Variants in PRKG1 observed in about 807,000 individuals in gnomAD.
The protein encoded by PRKG1 is protein kinase cGMP-dependent 1, also known as cGMP-dependent protein kinase 1.
PRKG1 carries 35 observed loss-of-function variants against 88.1 expected under a neutral mutation model. That is an observed-to-expected ratio of 0.40 (90% CI 0.30 to 0.53). The LOEUF (loss-of-function observed/expected upper bound fraction) is 0.53, where lower values mean the gene tolerates loss of function less well. Ranked by LOEUF, PRKG1 falls within the 20% of genes least tolerant of loss-of-function variation. The probability of loss-of-function intolerance (pLI) is 0.59; values close to 1 mark genes in which losing one functional copy is unlikely to be tolerated. For synonymous variants in PRKG1, 303 were observed against 292.5 expected (o/e 1.04, Z -0.37); for missense variants, 540 against 839.8 (o/e 0.64, Z 4.41).
At chr10:51,087,191 T>C (rs1844275039) in intron 1 of PRKG1, among the ~76,000 whole-genome samples, 1 of 152,174 alleles carries the variant, frequency 6.6e-6, no homozygotes, top group Admixed American at 6.5e-5. Context: ...CTTCATTTTT[T>C]TTCTGGACCT....
intron 3 of PRKG1, among the ~76,000 whole-genome samples, chr10:51,641,847 G>A (rs1439868938): frequency 1.3e-5 from 2 of 151,710 alleles, no homozygotes; most frequent in Non-Finnish European, 2.9e-5. Context: ...TTGGAACCCC[G>A]TTCTCTTATT....
chr10:51,198,022 T>C (rs1837815539), intron 2 of PRKG1, among the ~76,000 whole-genome samples: 1 of 151,984 alleles, frequency 6.6e-6, no homozygotes, highest in African/African-American at 2.4e-5. Context: ...GAGCTTTTGG[T>C]ACCCTTACCT....
At chr10:51,470,737 T>A (rs2132821387) in intron 3 of PRKG1, among the ~76,000 whole-genome samples, 1 of 152,046 alleles carries the variant, frequency 6.6e-6, no homozygotes, top group South Asian at 2.1e-4. Context: ...GATTAGGTTA[T>A]CAAGAAGTAG....
intron 1 of PRKG1, among the ~76,000 whole-genome samples, chr10:51,016,673 C>CTTTTTTTTTTTCTTTTTTTTTTTTTTTT (rs1843067880): frequency 2.8e-5 from 1 of 35,184 alleles, no homozygotes; most frequent in Non-Finnish European, 4.8e-5. Context: ...ATTATCCTTT[C>CTTTTTTTTTTTCTTTTTTTTTTTTTTTT]TTTTTTTTTT....
At chr10:52,255,783 A>G (rs1841293102) in intron 10 of PRKG1, among the ~76,000 whole-genome samples, 1 of 152,066 alleles carries the variant, frequency 6.6e-6, no homozygotes, top group Non-Finnish European at 1.5e-5. Flanking sequence ...AGGCATCAAC[A>G]TAAGTAACCT....
At chr10:51,042,602 A>G (rs1238236800) in intron 1 of PRKG1, among the ~76,000 whole-genome samples, 1 of 152,182 alleles carries the variant, frequency 6.6e-6, no homozygotes, top group Non-Finnish European at 1.5e-5. Flanking sequence ...TGCTGTCAGA[A>G]TTTCCACTAA....
intron 2 of PRKG1, among the ~76,000 whole-genome samples, chr10:51,429,444 T>A (rs1838694555): frequency 6.6e-6 from 1 of 151,860 alleles, no homozygotes; most frequent in Admixed American, 6.6e-5. Flanking sequence ...ATGAGACACA[T>A]AAAGAAAGAA....
At chr10:52,140,195 A>G (rs935874211) in intron 8 of PRKG1, among the ~76,000 whole-genome samples, 1 of 152,208 alleles carries the variant, frequency 6.6e-6, no homozygotes, top group Non-Finnish European at 1.5e-5. Flanking sequence ...CCTGACTTAA[A>G]CAATATTAGA....
In PRKG1 at chr10:51,454,241, AC is replaced by A. The variant is rs568146930; in HGVS notation, c.479-13481del. On this transcript the variant is annotated intron_variant, in intron 2 of 17. Coordinates refer to ENST00000373980, the MANE Select transcript of PRKG1 (RefSeq NM_006258.4). Reference sequence around the variant, plus strand: ...GTGTTCTTCATAAAGCTAGAAAAAAACAACCCTAAAATTTATATGGAACTAA... The same window carrying A: ...GTGTTCTTCATAAAGCTAGAAAAAAAAACCCTAAAATTTATATGGAACTAA... Among the ~76,000 whole-genome samples the A allele has an allele frequency of 1.8e-4, 28 of 152,190 alleles. No homozygotes were observed. In the South Asian group the frequency reaches 2.9e-3, roughly 16 times the overall value.
chr10:51,215,843 G>A (rs532697569), intron 2 of PRKG1, among the ~76,000 whole-genome samples: 7 of 152,248 alleles, frequency 4.6e-5, no homozygotes, highest in South Asian at 2.1e-4. Context: ...AACAGTGATA[G>A]GTGTATGTAG....
At chr10:51,923,499 A>T (rs1438391083) in intron 5 of PRKG1, among the ~76,000 whole-genome samples, 1 of 150,346 alleles carries the variant, frequency 6.7e-6, no homozygotes, top group Non-Finnish European at 1.5e-5. Flanking sequence ...TATTGACATA[A>T]TATGCTAATA....
intron 4 of PRKG1, among the ~76,000 whole-genome samples, chr10:51,840,766 G>A (rs991672919): frequency 1.6e-4 from 25 of 151,852 alleles, no homozygotes; most frequent in African/African-American, 4.4e-4. Context: ...GGCTGGTCTC[G>A]GACTCCAGCC....
intron 9 of PRKG1, among the ~76,000 whole-genome samples, chr10:52,235,577 A>G (rs1343764859): frequency 7.1e-6 from 1 of 141,552 alleles, no homozygotes; most frequent in Non-Finnish European, 1.5e-5. Context: ...GAAGGCCATT[A>G]CATAATGGTA....
At chr10:51,946,336 T>C (rs1283511541) in intron 5 of PRKG1, among the ~76,000 whole-genome samples, 2 of 152,020 alleles carry the variant, frequency 1.3e-5, no homozygotes, top group East Asian at 3.9e-4. Flanking sequence ...CTTCTCTGTG[T>C]TGTTTATTCT....
chr10:51,029,854 T>C (rs1843258161), intron 1 of PRKG1, among the ~76,000 whole-genome samples: 1 of 152,122 alleles, frequency 6.6e-6, no homozygotes, highest in African/African-American at 2.4e-5. Flanking sequence ...GGCTCCCCTA[T>C]TTGCTGGCTG....
At chr10:51,825,499 C>A (rs777113431) in intron 4 of PRKG1, among the ~76,000 whole-genome samples, 11 of 152,094 alleles carry the variant, frequency 7.2e-5, no homozygotes, top group Admixed American at 6.6e-5. Context: ...GACAAGAGCA[C>A]TGTAGGCAAA....
At chr10:51,576,744 C>T (rs192217691) in intron 3 of PRKG1, among the ~76,000 whole-genome samples, 87 of 151,804 alleles carry the variant, frequency 5.7e-4, no homozygotes, top group African/African-American at 2.0e-3. Context: ...TATTTTTAAA[C>T]TTTGCTAACT....
intron 9 of PRKG1, among the ~76,000 whole-genome samples, chr10:52,197,036 G>T (rs186491591): frequency 6.6e-6 from 1 of 152,258 alleles, no homozygotes; most frequent in African/African-American, 2.4e-5. Flanking sequence ...CTCACTTTGT[G>T]CAGGTTCACT....
chr10:51,897,022 A>G (rs1841867820), intron 4 of PRKG1, among the ~76,000 whole-genome samples: 1 of 152,204 alleles, frequency 6.6e-6, no homozygotes, highest in African/African-American at 2.4e-5. Context: ...TGTGTAAAGT[A>G]GATTGAAGTC....
Sources: gnomAD v4.1 joint callset for allele counts (sites outside exome capture counted in the v4.1 genomes callset) on GRCh38, gnomAD v4.1.1 for gene constraint, MANE v1.5 for transcripts, NCBI Gene and HGNC (gene_info 2026-07-23, HGNC 2026-07-21) for gene names.